The following KCNQ3 variants were observed in gnomAD, a reference collection of about 807,000 sequenced individuals.
KCNQ3 encodes the protein potassium voltage-gated channel subfamily KQT member 3.
A neutral mutation model predicts 92.5 loss-of-function variants in KCNQ3; 30 were observed. The observed-to-expected ratio is 0.32, with a 90% confidence interval of 0.24 to 0.44. The LOEUF (loss-of-function observed/expected upper bound fraction) is 0.44, where lower values mean the gene tolerates loss of function less well. Among genes scored for constraint, KCNQ3 ranks in the 20% least tolerant of loss-of-function variants. KCNQ3 has a pLI of 1.00. For synonymous variants in KCNQ3, 450 were observed against 468.8 expected, an observed-to-expected ratio of 0.96 and a Z score of 0.52; for missense variants, 913 against 1,140.3, an observed-to-expected ratio of 0.80 and a Z score of 2.87.
chr8:132,134,225 TG>T (rs1563764613), intron 13 of KCNQ3, 64 bp downstream of exon 13: 1 of 1,174,854 alleles, frequency 8.5e-7, no homozygotes, highest in African/African-American at 1.5e-5. Context: ...AGCAGAGGTT[TG>T]GGGGTGGGGA....
intron 9 of KCNQ3, among the ~76,000 whole-genome samples, chr8:132,142,205 G>A (rs561094929): frequency 5.4e-4 from 82 of 152,178 alleles, no homozygotes; most frequent in Non-Finnish European, 9.1e-4. Flanking sequence ...GGGGTCCATG[G>A]GCTTCATGAT....
intron 1 of KCNQ3, among the ~76,000 whole-genome samples, chr8:132,210,953 A>C (rs2130298451): frequency 6.6e-6 from 1 of 152,372 alleles, no homozygotes; most frequent in South Asian, 2.1e-4. Flanking sequence ...GGATGTTATT[A>C]GTAAAGTCCT....
chr8:132,330,819 T>A (rs1297019761), intron 1 of KCNQ3, among the ~76,000 whole-genome samples: 1 of 152,128 alleles, frequency 6.6e-6, no homozygotes, highest in African/African-American at 2.4e-5. Context: ...CCCTGGTGGT[T>A]TTCCCAGGCC....
chr8:132,227,701 T>C (rs1814477149), intron 1 of KCNQ3, among the ~76,000 whole-genome samples: 1 of 152,126 alleles, frequency 6.6e-6, no homozygotes, highest in South Asian at 2.1e-4. Flanking sequence ...CTCCCGGGGC[T>C]CCAAGGAAAA....
chr8:132,424,045 G>T (rs1821042995), intron 1 of KCNQ3, among the ~76,000 whole-genome samples: 1 of 152,134 alleles, frequency 6.6e-6, no homozygotes, highest in South Asian at 2.1e-4. Flanking sequence ...CAAATGAAAA[G>T]CTTGATACTC....
chr8:132,215,653 A>G (rs1443339380), intron 1 of KCNQ3, among the ~76,000 whole-genome samples: 1 of 152,144 alleles, frequency 6.6e-6, no homozygotes, highest in Non-Finnish European at 1.5e-5. Context: ...TGTTGAAGGA[A>G]GTAGACCATG....
intron 1 of KCNQ3, among the ~76,000 whole-genome samples, chr8:132,369,445 C>T (rs1819410406): frequency 6.6e-6 from 1 of 152,062 alleles, no homozygotes; most frequent in Non-Finnish European, 1.5e-5. Context: ...TGAGCATACC[C>T]ACCCCATTGT....
intron 1 of KCNQ3, among the ~76,000 whole-genome samples, chr8:132,394,002 G>C (rs1315166123): frequency 6.6e-6 from 1 of 152,202 alleles, no homozygotes; most frequent in Non-Finnish European, 1.5e-5. Context: ...TGCTCAGTGT[G>C]ATAAAGCTCT....
At chr8:132,212,787 C>G (rs774054625) in intron 1 of KCNQ3, among the ~76,000 whole-genome samples, 4 of 152,208 alleles carry the variant, frequency 2.6e-5, no homozygotes, top group Non-Finnish European at 5.9e-5. Context: ...CTGTCACTAT[C>G]CCCCTAGCCT....
intron 1 of KCNQ3, among the ~76,000 whole-genome samples, chr8:132,476,975 C>A (rs1158258322): frequency 2.0e-5 from 3 of 152,128 alleles, no homozygotes; most frequent in African/African-American, 7.2e-5. Flanking sequence ...CCTTGCTCTT[C>A]TCCTGATAGA....
chr8:132,419,005 C>T (rs191799330), intron 1 of KCNQ3, among the ~76,000 whole-genome samples: 1 of 152,196 alleles, frequency 6.6e-6, no homozygotes, highest in East Asian at 1.9e-4. Flanking sequence ...CATTACAGCA[C>T]CTACCATAAG....
At chr8:132,274,351 G>C (rs889487468) in intron 1 of KCNQ3, among the ~76,000 whole-genome samples, 3 of 152,116 alleles carry the variant, frequency 2.0e-5, no homozygotes, top group Non-Finnish European at 4.4e-5. Flanking sequence ...CTATCACAGA[G>C]CAGCACAAGA....
intron 8 of KCNQ3, among the ~76,000 whole-genome samples, chr8:132,167,800 C>A (rs1211520874): frequency 6.6e-6 from 1 of 152,206 alleles, no homozygotes; most frequent in Non-Finnish European, 1.5e-5. Flanking sequence ...AATACATCAA[C>A]CCAAAAGAAT....
intron 9 of KCNQ3, among the ~76,000 whole-genome samples, chr8:132,155,860 G>C (rs373906719): frequency 6.6e-6 from 1 of 152,242 alleles, no homozygotes; most frequent in African/African-American, 2.4e-5. Flanking sequence ...GGAGGAAGCA[G>C]GATTGTGATT....
chr8:132,439,879 T>C (rs892426660), intron 1 of KCNQ3, among the ~76,000 whole-genome samples: 1 of 152,138 alleles, frequency 6.6e-6, no homozygotes, highest in African/African-American at 2.4e-5. Flanking sequence ...GCTAAATTTG[T>C]GGTAATTTGT....
chr8:132,137,204 C>T (rs1825131897), intron 12 of KCNQ3, among the ~76,000 whole-genome samples: 1 of 152,186 alleles, frequency 6.6e-6, no homozygotes, highest in South Asian at 2.1e-4. Flanking sequence ...AGAGCAGGTA[C>T]CATTCTTTCC....
At chr8:132,374,015 A>G (rs1381613130) in intron 1 of KCNQ3, among the ~76,000 whole-genome samples, 1 of 151,950 alleles carries the variant, frequency 6.6e-6, no homozygotes, top group African/African-American at 2.4e-5. Flanking sequence ...GCCATCAGAG[A>G]CCACCCCACA....
intron 1 of KCNQ3, among the ~76,000 whole-genome samples, chr8:132,189,724 G>A (rs564367713): frequency 1.7e-4 from 26 of 151,920 alleles, no homozygotes; most frequent in African/African-American, 6.3e-4. Context: ...TACTCGAGAG[G>A]CTGAGGCAGG....
At chr8:132,189,959 T>G (rs1298902414) in intron 1 of KCNQ3, among the ~76,000 whole-genome samples, 4 of 151,070 alleles carry the variant, frequency 2.6e-5, no homozygotes, top group Non-Finnish European at 5.9e-5. Context: ...TGAAGGATTT[T>G]TAAGAACAAG....
Sources: allele counts gnomAD v4.1 joint callset (sites outside exome capture counted in the v4.1 genomes callset), GRCh38; gene constraint gnomAD v4.1.1; transcripts MANE v1.5; gene names NCBI Gene and HGNC (gene_info 2026-07-23, HGNC 2026-07-21).